THRB: variants seen among roughly 807,000 people sequenced by gnomAD.
THRB encodes thyroid hormone receptor beta.
In THRB, 12 loss-of-function variants were observed where a neutral mutation model predicts 47.8. That is an observed-to-expected ratio of 0.25 (90% CI 0.16 to 0.41). The LOEUF (loss-of-function observed/expected upper bound fraction) is 0.41. Ranked by LOEUF, THRB falls within the 10% of genes least tolerant of loss-of-function variation. The probability of loss-of-function intolerance (pLI) is 1.00; values close to 1 mark genes in which losing one functional copy is unlikely to be tolerated. For missense variants in THRB, 348 were observed against 589.2 expected, an observed-to-expected ratio of 0.59 and a Z score of 4.24; for synonymous variants, 218 against 212.2, an observed-to-expected ratio of 1.03 and a Z score of -0.24.
intron 1 of THRB, among the ~76,000 whole-genome samples, chr3:24,437,781 C>A (rs1232962840): frequency 6.6e-6 from 1 of 152,008 alleles, no homozygotes; most frequent in Non-Finnish European, 1.5e-5. Context: ...AGAAAATGAA[C>A]ACACTTTTGG....
At chr3:24,147,852 C>A (rs528344739) in intron 6 of THRB, among the ~76,000 whole-genome samples, 36 of 152,252 alleles carry the variant, frequency 2.4e-4, no homozygotes, top group Middle Eastern at 3.4e-3. Flanking sequence ...CAGGTTAAAT[C>A]GCTTGCCCAA....
chr3:24,371,999 C>T (rs1300478395), intron 1 of THRB, among the ~76,000 whole-genome samples: 1 of 152,112 alleles, frequency 6.6e-6, no homozygotes, highest in Admixed American at 6.6e-5. Context: ...CCCAATAACA[C>T]CGGAAATCAT....
intron 1 of THRB, among the ~76,000 whole-genome samples, chr3:24,440,225 T>C (rs2071397083): frequency 6.6e-6 from 1 of 152,184 alleles, no homozygotes; most frequent in Non-Finnish European, 1.5e-5. Flanking sequence ...TTTGAAATGG[T>C]CTCTCCAGGT....
chr3:24,218,251 GAGTA>G lies in THRB; in HGVS notation c.22+10683_22+10686del, dbSNP rs570766901. 6.4e-3 allele frequency among the ~76,000 whole-genome samples: 958 copies of G among 149,586 alleles called. 11 individuals carry two copies. The highest frequency in any genetic ancestry group is 0.022 in the African/African-American group (891 of 40,438). ...CCACTGCACTCCAGCCTGGGCGACAGAGTAAGACTCTGTCTCAAAAAAAAACAAA... is the reference window on the plus strand; with the variant it reads ...CCACTGCACTCCAGCCTGGGCGACAGAGACTCTGTCTCAAAAAAAAACAAA... On this transcript the variant is annotated intron_variant, in intron 4 of 10. Coordinates refer to ENST00000646209, the MANE Select transcript of THRB (RefSeq NM_001354712.2).
chr3:24,386,745 C>T (rs1430705361), intron 1 of THRB, among the ~76,000 whole-genome samples: 1 of 152,114 alleles, frequency 6.6e-6, no homozygotes, highest in African/African-American at 2.4e-5. Context: ...CTTCAGGCAA[C>T]CTGGTTCAAA....
chr3:24,357,160 T>A (rs2063725406), intron 1 of THRB, among the ~76,000 whole-genome samples: 1 of 151,024 alleles, frequency 6.6e-6, no homozygotes, highest in African/African-American at 2.4e-5. Flanking sequence ...GTTTTATGTT[T>A]TTTTTTGTCC....
At position 24,494,766 on chromosome 3, in the gene THRB, CAGG is replaced by C. The variant is rs1257017001; in HGVS notation, c.-378_-376del. ...GGGCTCTTGCCCCGAGCCCGCGGAG[CAGG>C]AGGTCTCTTTTCCAAGCGCACTCAC... On this transcript the variant is annotated 5_prime_UTR_variant, in exon 1 of 11. Coordinates refer to ENST00000646209, the MANE Select transcript of THRB (RefSeq NM_001354712.2). 4 of 152,170 alleles carry C rather than the reference CAGG, an allele frequency of 2.6e-5. No individual in the cohort carries two copies. The highest frequency in any genetic ancestry group is 2.0e-4 in the Admixed American group (3 of 15,286). 9.4% of individuals were successfully genotyped at this position (152,170 alleles called of 1,614,324 possible). A position where few individuals can be genotyped will look rare whatever the true frequency, so the allele number is the denominator to read the frequency against.
chr3:24,341,937 G>A (rs1001534263), intron 1 of THRB, among the ~76,000 whole-genome samples: 1 of 152,118 alleles, frequency 6.6e-6, no homozygotes, highest in Non-Finnish European at 1.5e-5. Flanking sequence ...CAAGGAAGAT[G>A]AGCAGAGTCA....
At chr3:24,180,287 G>A (rs2041726989) in intron 5 of THRB, among the ~76,000 whole-genome samples, 1 of 152,126 alleles carries the variant, frequency 6.6e-6, no homozygotes, top group Non-Finnish European at 1.5e-5. Flanking sequence ...GCAACTATGG[G>A]TGGTTGGGGT....
At chr3:24,134,828 C>T (rs1035072371) in intron 8 of THRB, among the ~76,000 whole-genome samples, 13 of 152,042 alleles carry the variant, frequency 8.6e-5, no homozygotes, top group African/African-American at 1.7e-4. Flanking sequence ...TTCTCTTTTC[C>T]GCACCCAGGG....
chr3:24,123,181 C>T (rs1256515301), intron 10 of THRB, 56 bp from the exon 11 acceptor site: 18 of 1,610,164 alleles, frequency 1.1e-5, no homozygotes, highest in Admixed American at 1.7e-5. Context: ...GGAAGGCTTG[C>T]TTTGTCCAAT....
At chr3:24,326,370 G>C (rs756196860) in intron 2 of THRB, among the ~76,000 whole-genome samples, 6 of 152,054 alleles carry the variant, frequency 3.9e-5, no homozygotes, top group African/African-American at 1.4e-4. Flanking sequence ...CAAGTAGCTG[G>C]GATTACAGGT....
intron 4 of THRB, among the ~76,000 whole-genome samples, chr3:24,202,237 G>T (rs2044676756): frequency 6.6e-6 from 1 of 152,218 alleles, no homozygotes; most frequent in Admixed American, 6.5e-5. Flanking sequence ...GAAGAGCTGG[G>T]ATGAGTCTTG....
At chr3:24,173,820 C>T (rs539294307) in intron 5 of THRB, among the ~76,000 whole-genome samples, 15 of 152,258 alleles carry the variant, frequency 9.9e-5, no homozygotes, top group African/African-American at 3.4e-4. Flanking sequence ...AGCTATTGCC[C>T]GTGTGCAGAT....
At chr3:24,150,082 C>T (rs2036680384) in intron 6 of THRB, among the ~76,000 whole-genome samples, 1 of 152,200 alleles carries the variant, frequency 6.6e-6, no homozygotes, top group South Asian at 2.1e-4. Flanking sequence ...TTGATTCTTT[C>T]TCTAAAAATA....
rs747448940 is a variant in THRB, at chr3:24,122,862, T to C, written c.*22A>G. On this transcript the variant is annotated 3_prime_UTR_variant, in exon 11 of 11. Coordinates refer to ENST00000646209, the MANE Select transcript of THRB (RefSeq NM_001354712.2). The stretch of plus-strand genomic sequence containing the variant: ...TGACACCCAGTAGTGCTGTAGGAAT[T>C]ATGAGAATGAATCCAGTCAGTCTAA... 6.2e-7 allele frequency: 1 copy of C among 1,614,102 alleles called. No individual in the cohort carries two copies. The highest frequency in any genetic ancestry group is 1.7e-5 in the Admixed American group (1 of 60,020).
chr3:24,434,976 G>A (rs2125324494), intron 1 of THRB, among the ~76,000 whole-genome samples: 1 of 152,284 alleles, frequency 6.6e-6, no homozygotes, highest in Non-Finnish European at 1.5e-5. Context: ...TGTTCAGATT[G>A]GATTTTTTAA....
chr3:24,122,754 A>G lies in THRB; in HGVS notation c.*130T>C. 1 of 1,337,438 alleles carries G rather than the reference A, an allele frequency of 7.5e-7. No homozygotes were observed. Among genetic ancestry groups the G allele is most frequent in the Non-Finnish European group, 1.1e-6 (1 of 940,102 alleles). The allele number at this position is 1,337,438 out of a possible 1,614,324, so 82.8% of individuals were successfully genotyped here. ...GGGCAATTTCATCCATGTCTATGCC[A>G]AGGACTACTTCCCTTTTCCCTCCCA... On this transcript the variant is annotated 3_prime_UTR_variant, in exon 11 of 11. Coordinates refer to ENST00000646209, the MANE Select transcript of THRB (RefSeq NM_001354712.2).
intron 3 of THRB, among the ~76,000 whole-genome samples, chr3:24,281,897 T>C (rs1255622641): frequency 1.3e-5 from 2 of 151,446 alleles, no homozygotes; most frequent in East Asian, 2.0e-4. Context: ...ATCCTAAATA[T>C]ATATGCACCC....
Sources: gnomAD v4.1 joint callset for allele counts (sites outside exome capture counted in the v4.1 genomes callset) on GRCh38, gnomAD v4.1.1 for gene constraint, MANE v1.5 for transcripts, NCBI Gene and HGNC (gene_info 2026-07-23, HGNC 2026-07-21) for gene names.